The following ROBO2 variants were observed in gnomAD, a reference collection of about 807,000 sequenced individuals.
ROBO2 encodes the protein roundabout homolog 2.
ROBO2 carries 53 observed loss-of-function variants against 160.8 expected under a neutral mutation model. The ratio of observed to expected loss-of-function variants is 0.33; its 90% CI spans 0.26 to 0.41. The LOEUF is 0.41. Among genes scored for constraint, ROBO2 ranks in the 10% least tolerant of loss-of-function variants. ROBO2 has a pLI of 1.00. For missense variants in ROBO2, 1,577 were observed against 1,722.4 expected, an observed-to-expected ratio of 0.92 and a Z score of 1.49; for synonymous variants, 664 against 611.7, an observed-to-expected ratio of 1.09 and a Z score of -1.26.
intron 2 of ROBO2, among the ~76,000 whole-genome samples, chr3:76,713,168 T>G (rs899760626): frequency 2.0e-5 from 3 of 152,202 alleles, no homozygotes; most frequent in Non-Finnish European, 2.9e-5. Flanking sequence ...TTTGGTAAAG[T>G]GCTTTATTGC....
At chr3:77,273,034 G>A (rs931408227) in intron 2 of ROBO2, among the ~76,000 whole-genome samples, 1 of 152,140 alleles carries the variant, frequency 6.6e-6, no homozygotes, top group African/African-American at 2.4e-5. Flanking sequence ...TGACAATGAA[G>A]TTTGGGTATG....
At chr3:76,119,899 CCCTT>C (rs1462722473) in intron 2 of ROBO2, among the ~76,000 whole-genome samples, 2 of 118,780 alleles carry the variant, frequency 1.7e-5, no homozygotes, top group East Asian at 7.7e-4. Context: ...TCCCTTCCTT[CCCTT>C]CCTTCCCTCC....
intron 2 of ROBO2, among the ~76,000 whole-genome samples, chr3:76,405,409 T>C (rs990895903): frequency 6.6e-6 from 1 of 151,660 alleles, no homozygotes; most frequent in Admixed American, 6.6e-5. Flanking sequence ...GATTTTGGAA[T>C]GTACAGAGGC....
At chr3:77,164,446 A>G (rs1378648662) in intron 2 of ROBO2, among the ~76,000 whole-genome samples, 2 of 119,142 alleles carry the variant, frequency 1.7e-5, no homozygotes, top group East Asian at 5.3e-4. Context: ...TGGGGGGGTC[A>G]GCCCCCCGCC....
intron 1 of ROBO2, among the ~76,000 whole-genome samples, chr3:77,050,876 G>A (rs1419208627): frequency 6.6e-6 from 1 of 151,714 alleles, no homozygotes; most frequent in Admixed American, 6.6e-5. Context: ...AAATTAGCTG[G>A]GCATGGTGGT....
At chr3:76,938,529 CTCT>C (rs1358702869) in intron 2 of ROBO2, among the ~76,000 whole-genome samples, 14 of 152,140 alleles carry the variant, frequency 9.2e-5, no homozygotes, top group Non-Finnish European at 2.1e-4. Flanking sequence ...CTCTCTCTCT[CTCT>C]GAGCTTTTCC....
intron 23 of ROBO2, 163 bp from the exon 25 acceptor site, chr3:77,634,707 A>G: frequency 1.4e-6 from 1 of 718,002 alleles, no homozygotes; most frequent in Non-Finnish European, 2.4e-6. Flanking sequence ...TGCAGCTGAG[A>G]ATGTAGAAAA....
chr3:77,300,601 G>T (rs950586561), intron 2 of ROBO2, among the ~76,000 whole-genome samples: 13 of 151,836 alleles, frequency 8.6e-5, no homozygotes, highest in African/African-American at 2.9e-4. Flanking sequence ...TTGATAAGAG[G>T]AAGAGGAAAT....
chr3:76,222,401 C>G (rs938221927), intron 2 of ROBO2, among the ~76,000 whole-genome samples: 1 of 152,192 alleles, frequency 6.6e-6, no homozygotes, highest in Non-Finnish European at 1.5e-5. Context: ...ACTTGAAAGA[C>G]AAGTGTACAT....
chr3:77,318,165 A>G (rs1447357640), intron 2 of ROBO2, among the ~76,000 whole-genome samples: 7 of 151,962 alleles, frequency 4.6e-5, no homozygotes, highest in African/African-American at 7.3e-5. Context: ...ATCGTGTCTC[A>G]GTCTCCTGAG....
intron 2 of ROBO2, among the ~76,000 whole-genome samples, chr3:77,434,245 C>A (rs918773588): frequency 6.6e-6 from 1 of 152,050 alleles, no homozygotes; most frequent in African/African-American, 2.4e-5. Flanking sequence ...CCCTGAATAT[C>A]TTTCTCAGCA....
At chr3:76,962,499 A>C (rs950120466) in intron 2 of ROBO2, among the ~76,000 whole-genome samples, 2 of 151,342 alleles carry the variant, frequency 1.3e-5, no homozygotes, top group African/African-American at 4.9e-5. Context: ...TTAACCAGGC[A>C]TGGTGGCACA....
chr3:77,515,214 C>A (rs1398669601), intron 5 of ROBO2, among the ~76,000 whole-genome samples: 1 of 151,666 alleles, frequency 6.6e-6, no homozygotes, highest in African/African-American at 2.4e-5. Context: ...ATAAAGGTAT[C>A]ATAATTTGAT....
At chr3:76,635,945 G>A (rs1372124804) in intron 2 of ROBO2, among the ~76,000 whole-genome samples, 1 of 152,198 alleles carries the variant, frequency 6.6e-6, no homozygotes, top group Admixed American at 6.5e-5. Context: ...AGCCCAGCCT[G>A]CTAGCCTGAC....
At chr3:77,598,310 A>C (rs1559695222) in intron 19 of ROBO2, among the ~76,000 whole-genome samples, 1 of 151,772 alleles carries the variant, frequency 6.6e-6, no homozygotes, top group Admixed American at 6.6e-5. Context: ...GCTACTGATT[A>C]TTGCATAAGT....
chr3:77,346,139 T>A (rs9843810), intron 2 of ROBO2, among the ~76,000 whole-genome samples: 47,560 of 152,046 alleles, frequency 0.31, 7,935 homozygotes, highest in Non-Finnish European at 0.38. Context: ...TTAGGAGTAG[T>A]TTACATGACT....
chr3:76,188,517 T>C (rs4552365), intron 2 of ROBO2, among the ~76,000 whole-genome samples: 116,459 of 151,940 alleles, frequency 0.77, 45,865 homozygotes, highest in Non-Finnish European at 0.87. Flanking sequence ...AGGGATATGA[T>C]GCTGCTGACA....
At chr3:76,882,174 T>C (rs1233466630) in intron 2 of ROBO2, among the ~76,000 whole-genome samples, 1 of 151,558 alleles carries the variant, frequency 6.6e-6, no homozygotes, top group African/African-American at 2.4e-5. Context: ...TGGGTGATGT[T>C]TGTTTCATTT....
At chr3:77,405,841 A>T (rs1343465654) in intron 2 of ROBO2, among the ~76,000 whole-genome samples, 1 of 152,180 alleles carries the variant, frequency 6.6e-6, no homozygotes, top group Admixed American at 6.6e-5. Flanking sequence ...GCAAAATTCA[A>T]TGCAGAAAAT....
Sources: gnomAD v4.1 joint callset for allele counts (sites outside exome capture counted in the v4.1 genomes callset) on GRCh38, gnomAD v4.1.1 for gene constraint, MANE v1.5 for transcripts, NCBI Gene and HGNC (gene_info 2026-07-23, HGNC 2026-07-21) for gene names.